Variants in SMYD3 observed in about 807,000 individuals in gnomAD.
SMYD3 encodes the protein SET and MYND domain containing 3.
A neutral mutation model predicts 57.7 loss-of-function variants in SMYD3; 36 were observed. That is an observed-to-expected ratio of 0.62 (90% CI 0.48 to 0.82). The LOEUF (loss-of-function observed/expected upper bound fraction) is 0.82. Among genes scored for constraint, SMYD3 ranks in the 40% least tolerant of loss-of-function variants. The pLI, the probability that SMYD3 is intolerant of heterozygous loss-of-function variation, is 0.00. For missense variants in SMYD3, 515 were observed against 538.8 expected, an observed-to-expected ratio of 0.96 and a Z score of 0.44; for synonymous variants, 211 against 195.0, an observed-to-expected ratio of 1.08 and a Z score of -0.68.
intron 5 of SMYD3, among the ~76,000 whole-genome samples, chr1:246,059,365 A>T (rs1166559018): frequency 1.3e-5 from 2 of 152,194 alleles, no homozygotes; most frequent in Non-Finnish European, 2.9e-5. Context: ...AATTAAGATG[A>T]CTTTAAGTAT....
At position 246,026,366 on chromosome 1, in the gene SMYD3, A is replaced by T. The variant is rs547094281; in HGVS notation, c.532-96429T>A. Among the ~76,000 whole-genome samples the T allele has an allele frequency of 2.6e-5, 4 of 152,272 alleles. No individual in the cohort carries two copies. In the South Asian group the frequency reaches 8.3e-4, roughly 32 times the overall value. On this transcript the variant is annotated intron_variant, in intron 5 of 11. Transcript: ENST00000490107. ...CACATACCCTTGAAAGACGCACTCC[A>T]CTAAACAAAATTATAAGTACACCTC...
chr1:246,449,147 A>C (rs2067595015), intron 1 of SMYD3, among the ~76,000 whole-genome samples: 1 of 152,104 alleles, frequency 6.6e-6, no homozygotes, highest in African/African-American at 2.4e-5. Context: ...TGGGAGAGTC[A>C]CTTGAGCCTG....
chr1:246,493,712 TCAC>T (rs2068307286), intron 1 of SMYD3, among the ~76,000 whole-genome samples: 2 of 151,922 alleles, frequency 1.3e-5, no homozygotes, highest in African/African-American at 2.4e-5. Context: ...AGCACTACTG[TCAC>T]CACTATTCCA....
At chr1:246,498,640 A>G (rs1006331449) in intron 1 of SMYD3, among the ~76,000 whole-genome samples, 1 of 151,138 alleles carries the variant, frequency 6.6e-6, no homozygotes, top group African/African-American at 2.4e-5. Flanking sequence ...CTGAGGCAGG[A>G]GAATAGTGTG....
intron 10 of SMYD3, among the ~76,000 whole-genome samples, chr1:245,851,200 T>C (rs1007528683): frequency 6.6e-5 from 10 of 152,224 alleles, no homozygotes; most frequent in Admixed American, 6.5e-4. Context: ...AGGCCTGGTT[T>C]TCTGGAGATG....
intron 5 of SMYD3, among the ~76,000 whole-genome samples, chr1:246,046,494 A>T (rs2059967644): frequency 6.6e-6 from 1 of 151,950 alleles, no homozygotes; most frequent in African/African-American, 2.4e-5. Context: ...GGGAGTGGGG[A>T]GGGATAGCAT....
chr1:246,070,316 A>T (rs1437562142), intron 5 of SMYD3, among the ~76,000 whole-genome samples: 2 of 152,188 alleles, frequency 1.3e-5, no homozygotes, highest in African/African-American at 4.8e-5. Context: ...GGAGAAAGAG[A>T]AAGTGGTATC....
intron 5 of SMYD3, among the ~76,000 whole-genome samples, chr1:246,125,897 TA>T (rs2061501799): frequency 6.6e-6 from 1 of 151,806 alleles, no homozygotes; most frequent in South Asian, 2.1e-4. Context: ...CGAGTAGTAG[TA>T]AAAAGGAGTG....
chr1:245,988,728 A>C (rs1434757854), intron 5 of SMYD3, among the ~76,000 whole-genome samples: 1 of 152,222 alleles, frequency 6.6e-6, no homozygotes, highest in Non-Finnish European at 1.5e-5. Context: ...GCCCAGGCCA[A>C]TCAGCAGATG....
chr1:245,985,872 T>A (rs1469735700), intron 5 of SMYD3, among the ~76,000 whole-genome samples: 1 of 152,166 alleles, frequency 6.6e-6, no homozygotes, highest in Non-Finnish European at 1.5e-5. Context: ...CCTTTCTGGC[T>A]CTCATTCCAC....
chr1:246,058,929 C>T (rs1215320996), intron 5 of SMYD3, among the ~76,000 whole-genome samples: 1 of 150,580 alleles, frequency 6.6e-6, no homozygotes, highest in Non-Finnish European at 1.5e-5. Context: ...GGCTGGAGTG[C>T]AGTGGCATGA....
intron 1 of SMYD3, among the ~76,000 whole-genome samples, chr1:246,398,894 T>C (rs1376288866): frequency 2.6e-5 from 4 of 152,230 alleles, no homozygotes; most frequent in Non-Finnish European, 5.9e-5. Context: ...CCCAGCCCTC[T>C]TTCTACTATT....
intron 5 of SMYD3, among the ~76,000 whole-genome samples, chr1:246,074,061 G>A (rs2060503384): frequency 6.6e-6 from 1 of 152,110 alleles, no homozygotes; most frequent in Non-Finnish European, 1.5e-5. Flanking sequence ...GTTTTTTTGT[G>A]TGATTTTTGT....
At chr1:246,118,897 AG>A (rs2061381426) in intron 5 of SMYD3, among the ~76,000 whole-genome samples, 2 of 150,640 alleles carry the variant, frequency 1.3e-5, no homozygotes, top group African/African-American at 4.9e-5. Context: ...TGAACCGTGC[AG>A]GACCTTAAGG....
At chr1:246,232,160 T>G (rs903170444) in intron 5 of SMYD3, among the ~76,000 whole-genome samples, 22 of 129,932 alleles carry the variant, frequency 1.7e-4, no homozygotes, top group Non-Finnish European at 3.5e-4. Context: ...GAAGCTCTTT[T>G]GTGACATGAA....
chr1:245,885,515 C>T lies in SMYD3; in HGVS notation c.814-21629G>A, dbSNP rs141683610. On this transcript the variant is annotated intron_variant, in intron 8 of 11. Transcript: ENST00000490107. Reference sequence around the variant, plus strand: ...CTTTTCATTAAAGGGAAAACCTTACCGAGGACTTCCTTACCCTCACTATCT... The same window carrying T: ...CTTTTCATTAAAGGGAAAACCTTACTGAGGACTTCCTTACCCTCACTATCT... Among the ~76,000 whole-genome samples the T allele has an allele frequency of 3.0e-3, 459 of 152,266 alleles. 7 individuals carry two copies. The highest frequency in any genetic ancestry group is 0.01 in the African/African-American group (429 of 41,544).
intron 1 of SMYD3, among the ~76,000 whole-genome samples, chr1:246,358,891 C>G (rs2065947543): frequency 6.6e-6 from 1 of 152,014 alleles, no homozygotes; most frequent in Non-Finnish European, 1.5e-5. Flanking sequence ...CAATCTAAGG[C>G]TACACCTCAC....
chr1:245,912,242 TA>T (rs1345146758), intron 8 of SMYD3, among the ~76,000 whole-genome samples: 4 of 151,810 alleles, frequency 2.6e-5, no homozygotes, highest in Admixed American at 6.6e-5. Context: ...ATCAAGAAAG[TA>T]ATCCCATTTA....
intron 5 of SMYD3, among the ~76,000 whole-genome samples, chr1:245,966,140 G>A (rs12565899): frequency 0.14 from 21,252 of 151,594 alleles, 1,844 homozygotes; most frequent in East Asian, 0.41. Flanking sequence ...TTATTTTTCC[G>A]CATTATTTTG....
Sources: allele counts gnomAD v4.1 joint callset (sites outside exome capture counted in the v4.1 genomes callset), GRCh38; gene constraint gnomAD v4.1.1; transcripts MANE v1.5; gene names NCBI Gene and HGNC (gene_info 2026-07-23, HGNC 2026-07-21).